The following IFNA6 variants were observed in gnomAD, a reference collection of about 807,000 sequenced individuals.
IFNA6 encodes the protein interferon alpha 6.
For synonymous variants in IFNA6, 96 were observed against 79.2 expected (o/e 1.21, Z -1.13); for missense variants, 235 against 212.4 (o/e 1.11, Z -0.66).
exon 1 of IFNA6, chr9:21,350,652 A>T: frequency 3.7e-6 from 6 of 1,614,004 alleles, no homozygotes; most frequent in Non-Finnish European, 5.1e-6. Context: ...CTCATGGAGG[A>T]CAGAGATGGC....
chr9:21,350,491 G>A (rs1198117858), exon 1 of IFNA6: 3 of 1,614,018 alleles, frequency 1.9e-6, no homozygotes, highest in Admixed American at 1.7e-5. Flanking sequence ...TTCATCAGGG[G>A]AGTCCCTCCC....
exon 1 of IFNA6, chr9:21,350,690 A>T: frequency 6.2e-7 from 1 of 1,614,064 alleles, no homozygotes; most frequent in Non-Finnish European, 8.5e-7. Flanking sequence ...GGTTGCCATC[A>T]AACTCCTCCT....
chr9:21,350,353 T>C (rs761429957), exon 1 of IFNA6: 2 of 1,612,676 alleles, frequency 1.2e-6, no homozygotes, highest in South Asian at 2.2e-5. Context: ...TGCAAGTTTC[T>C]TGATGAAGAG....
rs1181102432 is a variant in IFNA6, at chr9:21,350,704, G to A, written c.184C>T (p.Pro62Ser). The A allele has an allele frequency of 6.8e-6, 11 of 1,613,918 alleles. No homozygotes were observed. The Admixed American group carries it at 1.7e-4, about 24-fold the overall frequency. Residue 62 changes from proline to serine, a missense_variant, in exon 1 of 1, where the codon CCC (proline) becomes TCC (serine). By Grantham distance (74) the Pro-to-Ser change is moderately conservative. Coordinates refer to ENST00000380210, the Ensembl canonical transcript of IFNA6. ...TGGTTGCCATCAAACTCCTCCTGGG[G>A]AAATCTGAAGTCATGTCTGTCCTTC...
chr9:21,350,878 G>T, exon 1 of IFNA6: 1 of 1,613,568 alleles, frequency 6.2e-7, no homozygotes, highest in Non-Finnish European at 8.5e-7. Context: ...AAAGCAAAAG[G>T]CAAAGCCATT....
At chr9:21,350,591 A>G in exon 1 of IFNA6, 2 of 1,613,976 alleles carry the variant, frequency 1.2e-6, no homozygotes, top group Non-Finnish European at 1.7e-6. Context: ...TCTCATCCCA[A>G]GCAACAGATG....
chr9:21,350,776 T>A (rs780824980), exon 1 of IFNA6: 12 of 1,614,002 alleles, frequency 7.4e-6, no homozygotes, highest in Non-Finnish European at 1.0e-5. Flanking sequence ...AGGAGCATCA[T>A]GGTCCTCCTG....
At chr9:21,350,445 T>C (rs2133043165) in exon 1 of IFNA6, 2 of 1,614,010 alleles carry the variant, frequency 1.2e-6, no homozygotes, top group South Asian at 1.1e-5. Context: ...AGTGATTCTT[T>C]GGAAGTATTT....
At chr9:21,350,866 G>T (rs965822238) in exon 1 of IFNA6, 4 of 1,613,804 alleles carry the variant, frequency 2.5e-6, no homozygotes, top group Non-Finnish European at 3.4e-6. Context: ...AGGGCCATCA[G>T]TAAAGCAAAA....
chr9:21,350,765 C>T (rs1427764013), exon 1 of IFNA6: 1 of 1,613,958 alleles, frequency 6.2e-7, no homozygotes, highest in African/African-American at 1.3e-5. Context: ...TCATTTGTGC[C>T]AGGAGCATCA....
At chr9:21,350,842 A>G (rs1563860428) in exon 1 of IFNA6, 1 of 1,613,958 alleles carries the variant, frequency 6.2e-7, no homozygotes, top group Non-Finnish European at 8.5e-7. Context: ...CTTGACTTGC[A>G]GCTGAGCACC....
chr9:21,350,367 G>T, exon 1 of IFNA6: 1 of 1,613,732 alleles, frequency 6.2e-7, no homozygotes, highest in Non-Finnish European at 8.5e-7. Flanking sequence ...TGAAGAGAAG[G>T]ATCTCATGAT....
At chr9:21,350,717 A>G (rs2133043470) in exon 1 of IFNA6, 1 of 1,614,058 alleles carries the variant, frequency 6.2e-7, no homozygotes, top group Non-Finnish European at 8.5e-7. Context: ...ATCTGAAGTC[A>G]TGTCTGTCCT....
chr9:21,350,672 C>T, exon 1 of IFNA6: 2 of 1,614,042 alleles, frequency 1.2e-6, no homozygotes, highest in Non-Finnish European at 1.7e-6. Flanking sequence ...CTTCAGCCTT[C>T]TGGAACTGGT....
chr9:21,350,516 C>G, exon 1 of IFNA6: 2 of 1,614,030 alleles, frequency 1.2e-6, no homozygotes, highest in Non-Finnish European at 1.7e-6. Context: ...ACACCTCCTG[C>G]ATCACACAGG....
chr9:21,350,554 G>T (rs1218023514), exon 1 of IFNA6: 7 of 1,613,886 alleles, frequency 4.3e-6, no homozygotes, highest in African/African-American at 2.7e-5. Flanking sequence ...TGCTGGTAAA[G>T]TTCAGTATAG....
rs144160887 is a variant in IFNA6, at chr9:21,350,738, G to T, written c.150C>A (p.Phe50Leu). 4 of 1,614,022 alleles carry T rather than the reference G, an allele frequency of 2.5e-6. No individual in the cohort carries two copies. The South Asian group carries it at 4.4e-5, about 18-fold the overall frequency. ...AGTCATGTCTGTCCTTCAGACAGGA[G>T]AAAAGAGAGATTCTCCTCATTTGTG... Residue 50 changes from phenylalanine to leucine, a missense_variant, in exon 1 of 1, where the codon TTC becomes TTA. Transcript: ENST00000380210.
chr9:21,350,701 G>A, the IFNA6 span: 42 of 1,613,888 alleles, frequency 2.6e-5, no homozygotes, highest in Middle Eastern at 4.9e-4. Context: ...AACTCCTCCT[G>A]GGGAAATCTG....
rs775965956 is a variant in IFNA6, at chr9:21,350,562, T to A, written c.326A>T (p.Tyr109Phe). ...ATTCAGCTGCTGGTAAAGTTCAGTA[T>A]AGAGTTTGTCTAGAAGCCTCTCATC... The change falls in exon 1 of 1, where the codon TAT becomes TTT. Residue 109 changes from tyrosine to phenylalanine, a missense_variant. By Grantham distance (22) the Tyr-to-Phe change is conservative (BLOSUM62 3). Transcript: ENST00000380210. 4 of 1,613,968 alleles carry A rather than the reference T, an allele frequency of 2.5e-6. No individual in the cohort carries two copies. The East Asian group carries it at 6.7e-5, about 27-fold the overall frequency.
Sources: allele counts gnomAD v4.1 joint callset, GRCh38; gene constraint gnomAD v4.1.1; transcripts MANE v1.5; gene names NCBI Gene and HGNC (gene_info 2026-07-23, HGNC 2026-07-21).